BTBD1: variants seen among roughly 807,000 people sequenced by gnomAD.
BTBD1 encodes BTB domain containing 1, also known as BTB/POZ domain-containing protein 1.
BTBD1 carries 34 observed loss-of-function variants against 48.0 expected under a neutral mutation model. The observed-to-expected ratio is 0.71, with a 90% confidence interval of 0.54 to 0.94. The LOEUF (loss-of-function observed/expected upper bound fraction) is 0.94, where lower values mean the gene tolerates loss of function less well. BTBD1 is among the 40% of genes least tolerant of loss of function. BTBD1 has a pLI of 0.00. For missense variants in BTBD1, 543 were observed against 625.6 expected (o/e 0.87, Z 1.41); for synonymous variants, 261 against 242.1 (o/e 1.08, Z -0.72).
At chr15:83,052,692 G>A (rs373612832) in intron 2 of BTBD1, among the ~76,000 whole-genome samples, 19 of 148,232 alleles carry the variant, frequency 1.3e-4, no homozygotes, top group Non-Finnish European at 2.2e-4. Flanking sequence ...GTGCAGTGGC[G>A]TGATCTCGGC....
chr15:83,051,877 T>TATATACACACACACAC (rs1555441191), intron 2 of BTBD1, among the ~76,000 whole-genome samples: 9 of 138,902 alleles, frequency 6.5e-5, no homozygotes, highest in South Asian at 4.6e-4. Context: ...TCCATATATA[T>TATATACACACACACAC]ACACACACAC....
intron 4 of BTBD1, among the ~76,000 whole-genome samples, chr15:83,040,066 T>C (rs909121796): frequency 2.0e-5 from 3 of 150,814 alleles, no homozygotes; most frequent in Non-Finnish European, 3.0e-5. Flanking sequence ...AAGAACAAAA[T>C]CATGCCTTTC....
chr15:83,027,358 A>T (rs1307895446), intron 5 of BTBD1, among the ~76,000 whole-genome samples: 4 of 152,208 alleles, frequency 2.6e-5, no homozygotes, highest in Non-Finnish European at 1.5e-5. Context: ...ATCTCAAAAC[A>T]AACAAACAAA....
intron 1 of BTBD1, among the ~76,000 whole-genome samples, chr15:83,064,129 C>T (rs1032586830): frequency 2.6e-5 from 4 of 152,214 alleles, no homozygotes; most frequent in African/African-American, 9.6e-5. Context: ...GTTCATGAGC[C>T]TGTAAGTAAT....
In BTBD1 at chr15:83,019,053, G is replaced by T. The variant is rs902906575; in HGVS notation, c.1144-200C>A. Among the ~76,000 whole-genome samples, 27 of 147,726 alleles carry T rather than the reference G, an allele frequency of 1.8e-4. No homozygotes were observed. The South Asian group carries it at 2.4e-3, about 13-fold the overall frequency. ...GACAGACTCTCTCACTCTGTTGGTGGGTGTGTGTGTGTGTGTGTTTTTGAG... is the reference window on the plus strand; with the variant it reads ...GACAGACTCTCTCACTCTGTTGGTGTGTGTGTGTGTGTGTGTGTTTTTGAG... On this transcript the variant is annotated intron_variant, in intron 6 of 7. Transcript: ENST00000261721.
At chr15:83,056,124 T>C (rs1011161457) in intron 2 of BTBD1, among the ~76,000 whole-genome samples, 1 of 152,048 alleles carries the variant, frequency 6.6e-6, no homozygotes, top group Non-Finnish European at 1.5e-5. Context: ...AGGCTGGTCT[T>C]GAACTCCTGA....
chr15:83,048,949 A>G (rs1046424543), intron 3 of BTBD1, among the ~76,000 whole-genome samples: 2 of 152,244 alleles, frequency 1.3e-5, no homozygotes, highest in Non-Finnish European at 2.9e-5. Context: ...AAACGTTTAC[A>G]AAGTGAAAAT....
At chr15:83,063,306 T>C (rs945397619) in intron 1 of BTBD1, among the ~76,000 whole-genome samples, 4 of 152,228 alleles carry the variant, frequency 2.6e-5, no homozygotes, top group African/African-American at 9.6e-5. Flanking sequence ...CCATTCACTC[T>C]TAACTTGCAA....
At chr15:83,042,352 A>ATACATATATATATATGTG (rs2032779975) in intron 3 of BTBD1, among the ~76,000 whole-genome samples, 1 of 119,258 alleles carries the variant, frequency 8.4e-6, no homozygotes, top group African/African-American at 3.4e-5. Context: ...GCAATTTTAT[A>ATACATATATATATATGTG]TATATATATA....
At chr15:83,037,297 A>C (rs2032649322) in intron 4 of BTBD1, among the ~76,000 whole-genome samples, 1 of 152,228 alleles carries the variant, frequency 6.6e-6, no homozygotes, top group Non-Finnish European at 1.5e-5. Flanking sequence ...TAAGAGGTGA[A>C]GGTGGAAGAA....
intron 2 of BTBD1, among the ~76,000 whole-genome samples, chr15:83,052,771 C>T (rs931882338): frequency 6.8e-6 from 1 of 147,728 alleles, no homozygotes; most frequent in African/African-American, 2.5e-5. Flanking sequence ...GCTGGGACTA[C>T]AGGCGCCCAC....
At chr15:83,054,806 C>T (rs755379203) in intron 2 of BTBD1, among the ~76,000 whole-genome samples, 13 of 151,958 alleles carry the variant, frequency 8.6e-5, no homozygotes, top group African/African-American at 1.7e-4. Flanking sequence ...ATGATCTGCC[C>T]GCCTCGGCCT....
intron 3 of BTBD1, among the ~76,000 whole-genome samples, chr15:83,048,642 C>A (rs2032924283): frequency 6.6e-6 from 1 of 152,098 alleles, no homozygotes; most frequent in Admixed American, 6.5e-5. Context: ...AAGTCCTCAA[C>A]GTATGGGTTC....
At chr15:83,060,394 G>A (rs898586174) in intron 1 of BTBD1, among the ~76,000 whole-genome samples, 5 of 149,016 alleles carry the variant, frequency 3.4e-5, no homozygotes, top group African/African-American at 9.9e-5. Flanking sequence ...CTCTAAGGAC[G>A]AGAGCACAGA....
intron 4 of BTBD1, among the ~76,000 whole-genome samples, chr15:83,039,996 C>T (rs992839796): frequency 2.4e-4 from 36 of 150,006 alleles, no homozygotes; most frequent in African/African-American, 9.0e-4. Flanking sequence ...CACACACACA[C>T]ACACACACAC....
intron 4 of BTBD1, among the ~76,000 whole-genome samples, chr15:83,035,661 G>C (rs2032611771): frequency 1.3e-5 from 2 of 151,558 alleles, no homozygotes; most frequent in Non-Finnish European, 2.9e-5. Flanking sequence ...AAGTCACAAA[G>C]ACTAATAAAA....
At chr15:83,042,348 T>TTTTTTATATA (rs773923340) in intron 3 of BTBD1, among the ~76,000 whole-genome samples, 1 of 109,896 alleles carries the variant, frequency 9.1e-6, no homozygotes, top group East Asian at 2.1e-4. Context: ...TTAGGCAATT[T>TTTTTTATATA]TATATATATA....
Position 83,030,275 on chromosome 15 carries a change from G to A in BTBD1, c.916C>T (p.His306Tyr). 1 of 1,614,078 alleles carries A rather than the reference G, an allele frequency of 6.2e-7. No homozygotes were observed. The highest frequency in any genetic ancestry group is 8.5e-7 in the Non-Finnish European group (1 of 1,180,000). The change falls in exon 5 of 8, where the codon CAT becomes TAT. Residue 306 changes from histidine to tyrosine, a missense_variant. Physicochemically the swap from His to Tyr is moderately conservative, Grantham distance 83. Coordinates refer to ENST00000261721, the MANE Select transcript of BTBD1 (RefSeq NM_025238.4). ...CGGGGTTTAGGGTTGACAGTAAAATGAAGAAAGAGGTTTACCACTTCACGA... is the reference window on the plus strand; with the variant it reads ...CGGGGTTTAGGGTTGACAGTAAAATAAAGAAAGAGGTTTACCACTTCACGA... ...SDREVVNLFL[H>Y]FTVNPKPRVE...
At chr15:83,021,193 A>G (rs563807742) in intron 5 of BTBD1, among the ~76,000 whole-genome samples, 1 of 152,228 alleles carries the variant, frequency 6.6e-6, no homozygotes, top group African/African-American at 2.4e-5. Flanking sequence ...AATGGTCAAC[A>G]AGACAGTTTC....
Sources: allele counts gnomAD v4.1 joint callset (sites outside exome capture counted in the v4.1 genomes callset), GRCh38; gene constraint gnomAD v4.1.1; transcripts MANE v1.5; gene names NCBI Gene and HGNC (gene_info 2026-07-23, HGNC 2026-07-21).